The following UNC13C variants were observed in gnomAD, a reference collection of about 807,000 sequenced individuals.
The protein encoded by UNC13C is protein unc-13 homolog C.
A neutral mutation model predicts 245.4 loss-of-function variants in UNC13C; 174 were observed. That is an observed-to-expected ratio of 0.71 (90% confidence interval 0.63 to 0.80). The LOEUF (loss-of-function observed/expected upper bound fraction) is 0.80. Among genes scored for constraint, UNC13C ranks in the 30% least tolerant of loss-of-function variants. The pLI is 0.00. For missense variants in UNC13C, 2,829 were observed against 2,602.9 expected (o/e 1.09, Z -1.89); for synonymous variants, 992 against 895.1 (o/e 1.11, Z -1.93).
intron 17 of UNC13C, among the ~76,000 whole-genome samples, chr15:54,380,132 C>T (rs937044043): frequency 1.3e-5 from 2 of 151,830 alleles, no homozygotes; most frequent in Non-Finnish European, 2.9e-5. Context: ...TCTCTAAGCC[C>T]CCACCCCCAA....
At chr15:54,415,102 G>A (rs1258147026) in intron 19 of UNC13C, 35 bp downstream of exon 19, 1 of 1,458,566 alleles carries the variant, frequency 6.9e-7, no homozygotes, top group Non-Finnish European at 9.5e-7. Context: ...TCGAATACAT[G>A]TTAGAGTTAA....
At chr15:54,205,325 C>T (rs1017782711) in intron 4 of UNC13C, among the ~76,000 whole-genome samples, 4 of 151,944 alleles carry the variant, frequency 2.6e-5, no homozygotes, top group African/African-American at 9.7e-5. Context: ...TCTTGTCCCC[C>T]AATGTAAGAT....
At chr15:54,153,485 C>A (rs2032613151) in intron 4 of UNC13C, among the ~76,000 whole-genome samples, 2 of 151,902 alleles carry the variant, frequency 1.3e-5, no homozygotes, top group Admixed American at 1.3e-4. Flanking sequence ...AGACACTAAG[C>A]AAATATCAAG....
intron 13 of UNC13C, among the ~76,000 whole-genome samples, chr15:54,310,791 T>TAC (rs553472010): frequency 8.4e-4 from 127 of 151,042 alleles, no homozygotes; most frequent in Non-Finnish European, 1.5e-3. Context: ...TATATGTACA[T>TAC]ACACACACAC....
chr15:54,619,239 G>A (rs1365211525), intron 30 of UNC13C, among the ~76,000 whole-genome samples: 4 of 144,686 alleles, frequency 2.8e-5, no homozygotes, highest in East Asian at 1.9e-4. Flanking sequence ...CCTCACTTAC[G>A]TTAATAAGCC....
chr15:54,536,485 G>T (rs571582456), intron 26 of UNC13C, among the ~76,000 whole-genome samples: 1 of 151,956 alleles, frequency 6.6e-6, no homozygotes, highest in African/African-American at 2.4e-5. Context: ...CATTCAATGA[G>T]GCCAGCATCA....
intron 30 of UNC13C, among the ~76,000 whole-genome samples, chr15:54,613,638 T>C (rs527735571): frequency 5.3e-5 from 8 of 152,110 alleles, no homozygotes; most frequent in African/African-American, 1.9e-4. Flanking sequence ...GGAGAACTCA[T>C]GGGGCCTTAA....
At chr15:53,853,910 A>G in the UNC13C span, among the ~76,000 whole-genome samples, 2 of 152,022 alleles carry the variant, frequency 1.3e-5, no homozygotes, top group Admixed American at 1.3e-4. Flanking sequence ...TGTCAGATGG[A>G]TAGATTGCAA....
At chr15:54,297,987 A>ATC in intron 12 of UNC13C, 61 bp downstream of exon 12, 1 of 1,168,172 alleles carries the variant, frequency 8.6e-7, no homozygotes, top group Non-Finnish European at 1.2e-6. Context: ...ATGGATTATA[A>ATC]AACAGAATAT....
intron 19 of UNC13C, among the ~76,000 whole-genome samples, chr15:54,438,522 G>C (rs779442614): frequency 6.6e-6 from 1 of 151,902 alleles, no homozygotes; most frequent in Non-Finnish European, 1.5e-5. Context: ...CTTAGTTCCT[G>C]GTTACATATA....
intron 4 of UNC13C, among the ~76,000 whole-genome samples, chr15:54,148,017 A>G (rs2032354876): frequency 6.6e-6 from 1 of 152,174 alleles, no homozygotes; most frequent in African/African-American, 2.4e-5. Context: ...TCCTCTGTCC[A>G]TGATTCTGAA....
At chr15:53,890,861 C>T in the UNC13C span, among the ~76,000 whole-genome samples, 1 of 152,008 alleles carries the variant, frequency 6.6e-6, no homozygotes, top group East Asian at 1.9e-4. Flanking sequence ...GTCTTTATCT[C>T]CTTCAGTTCT....
intron 2 of UNC13C, chr15:54,050,366 A>C (rs1897225053): frequency 8.9e-6 from 5 of 559,780 alleles, no homozygotes; most frequent in Admixed American, 1.9e-5. Flanking sequence ...CTCAGAAGGC[A>C]CTCCTCCTTT....
At chr15:53,838,654 GACA>G in the UNC13C span, among the ~76,000 whole-genome samples, 2 of 151,834 alleles carry the variant, frequency 1.3e-5, no homozygotes, top group South Asian at 4.1e-4. Context: ...AATTTGGATT[GACA>G]ACATTTTATT....
At chr15:54,318,782 T>C (rs1175271790) in intron 13 of UNC13C, among the ~76,000 whole-genome samples, 1 of 151,964 alleles carries the variant, frequency 6.6e-6, no homozygotes, top group Non-Finnish European at 1.5e-5. Flanking sequence ...TTATCTGGTT[T>C]TGCTTCTTTT....
intron 17 of UNC13C, among the ~76,000 whole-genome samples, chr15:54,381,469 G>C (rs900920659): frequency 2.0e-5 from 3 of 151,894 alleles, no homozygotes; most frequent in African/African-American, 7.3e-5. Flanking sequence ...TTTTAGGATC[G>C]TTTTCTCAAT....
chr15:54,552,517 T>TATA (rs1566904650), intron 28 of UNC13C, among the ~76,000 whole-genome samples: 132 of 43,870 alleles, frequency 3.0e-3, no homozygotes, highest in African/African-American at 3.9e-3. Context: ...ATATATTATA[T>TATA]ATTATATATA....
In UNC13C at chr15:54,193,365, T is replaced by C. The variant is rs538700278; in HGVS notation, c.3072-41665T>C. 2.0e-5 allele frequency among the ~76,000 whole-genome samples: 3 copies of C among 152,318 alleles called. No homozygotes were observed. In the South Asian group the frequency reaches 6.2e-4, roughly 32 times the overall value. On this transcript the variant is annotated intron_variant, in intron 4 of 32. Coordinates refer to ENST00000260323, the MANE Select transcript of UNC13C (RefSeq NM_001080534.3). The stretch of plus-strand genomic sequence containing the variant: ...GTGTATACACAACACATGTTTTCTA[T>C]CTTTATTCAGTATGTCTTGACATCT...
At chr15:54,296,376 T>A (rs993918969) in intron 11 of UNC13C, among the ~76,000 whole-genome samples, 8 of 102,428 alleles carry the variant, frequency 7.8e-5, no homozygotes, top group African/African-American at 1.2e-4. Flanking sequence ...AATTTTTTTT[T>A]TTTTTTATTT....
Sources: allele counts gnomAD v4.1 joint callset (sites outside exome capture counted in the v4.1 genomes callset), GRCh38; gene constraint gnomAD v4.1.1; transcripts MANE v1.5; gene names NCBI Gene and HGNC (gene_info 2026-07-23, HGNC 2026-07-21).